The following BST1 variants were observed in gnomAD, a reference collection of about 807,000 sequenced individuals.
BST1 encodes bone marrow stromal cell antigen 1, also known as ADP-ribosyl cyclase/cyclic ADP-ribose hydrolase 2.
Under a neutral mutation model 40.6 loss-of-function variants are expected in BST1, and 49 were observed. The ratio of observed to expected loss-of-function variants is 1.21; its 90% confidence interval spans 0.96 to 1.53. BST1 has a LOEUF of 1.53. BST1 is among the 40% of genes most tolerant of loss of function. BST1 has a pLI of 0.00. For missense variants in BST1, 423 were observed against 395.9 expected (o/e 1.07, Z -0.58); for synonymous variants, 157 against 159.3 (o/e 0.99, Z 0.11).
At chr4:15,750,361 A>G in the BST1 span, among the ~76,000 whole-genome samples, 4 of 152,202 alleles carry the variant, frequency 2.6e-5, no homozygotes, top group Non-Finnish European at 4.4e-5. Context: ...AAGTGTGAAC[A>G]TGTGATGTAT....
chr4:15,709,622 A>C (rs1260696458), intron 3 of BST1, among the ~76,000 whole-genome samples: 1 of 152,106 alleles, frequency 6.6e-6, no homozygotes, highest in Admixed American at 6.5e-5. Flanking sequence ...TTTCTTCTTC[A>C]CCTCGCTGCC....
intron 1 of BST1, among the ~76,000 whole-genome samples, chr4:15,703,714 G>GT (rs1491577681): frequency 1.4e-5 from 2 of 139,898 alleles, no homozygotes; most frequent in African/African-American, 5.4e-5. Flanking sequence ...CTCTAGAGGT[G>GT]GGGGTGTGTG....
chr4:15,765,435 C>G, the BST1 span, among the ~76,000 whole-genome samples: 1 of 151,958 alleles, frequency 6.6e-6, no homozygotes, highest in African/African-American at 2.4e-5. Flanking sequence ...CTCGTTGCTT[C>G]TGTCCCTGCC....
At chr4:15,764,718 G>A in the BST1 span, among the ~76,000 whole-genome samples, 2 of 151,832 alleles carry the variant, frequency 1.3e-5, no homozygotes, top group East Asian at 1.9e-4. Context: ...ACTCTCAACC[G>A]ATGTGGGCCT....
chr4:15,743,418 T>C, the BST1 span: 5 of 274,898 alleles, frequency 1.8e-5, no homozygotes, highest in African/African-American at 1.1e-4. Flanking sequence ...AGAATGTTTA[T>C]TCTTCAATCC....
chr4:15,754,787 T>C, the BST1 span, among the ~76,000 whole-genome samples: 2 of 152,210 alleles, frequency 1.3e-5, no homozygotes, highest in Admixed American at 1.3e-4. Context: ...TAAAACACTA[T>C]GAAAAAATCT....
intron 7 of BST1, among the ~76,000 whole-genome samples, chr4:15,719,259 C>T (rs1222717157): frequency 1.3e-5 from 2 of 152,122 alleles, no homozygotes; most frequent in Non-Finnish European, 2.9e-5. Flanking sequence ...CCAGTTCTCT[C>T]CTCACTGTGC....
chr4:15,715,600 A>C, intron 5 of BST1, 107 bp from the exon 6 acceptor site: 2 of 926,932 alleles, frequency 2.2e-6, no homozygotes, highest in Non-Finnish European at 3.1e-6. Context: ...AAAGAAGAAA[A>C]ACTTCTAAAA....
intron 7 of BST1, among the ~76,000 whole-genome samples, chr4:15,721,075 A>C (rs1720784029): frequency 6.6e-6 from 1 of 152,138 alleles, no homozygotes; most frequent in Non-Finnish European, 1.5e-5. Flanking sequence ...TGACTCAGTA[A>C]AGAAATGAGG....
At chr4:15,722,530 G>T (rs1455634585) in intron 7 of BST1, among the ~76,000 whole-genome samples, 5 of 151,946 alleles carry the variant, frequency 3.3e-5, no homozygotes, top group African/African-American at 9.7e-5. Flanking sequence ...TGGGCCTCCT[G>T]CCTCAGCCTC....
chr4:15,763,173 A>G, the BST1 span, among the ~76,000 whole-genome samples: 1 of 151,946 alleles, frequency 6.6e-6, no homozygotes, highest in Non-Finnish European at 1.5e-5. Context: ...TTTTTTCTAC[A>G]TGACTTTTAA....
At chr4:15,736,835 A>G (rs966021296), downstream of BST1, among the ~76,000 whole-genome samples, 2 of 152,086 alleles carry the variant, frequency 1.3e-5, no homozygotes, top group Non-Finnish European at 2.9e-5. Flanking sequence ...GAGGACAGCA[A>G]CTTTACCTCT....
At chr4:15,730,722 T>A (rs1403209459) in intron 8 of BST1, among the ~76,000 whole-genome samples, 6 of 152,184 alleles carry the variant, frequency 3.9e-5, no homozygotes, top group Non-Finnish European at 7.3e-5. Flanking sequence ...GTGCTCAGGA[T>A]TGCAGAAATA....
intron 1 of BST1, 122 bp downstream of exon 1, chr4:15,703,454 G>A: frequency 7.1e-7 from 1 of 1,417,736 alleles, no homozygotes; most frequent in East Asian, 2.7e-5. Flanking sequence ...CTTGAGGGGA[G>A]AGGTGAGTGT....
chr4:15,759,894 A>G, the BST1 span, among the ~76,000 whole-genome samples: 1 of 152,046 alleles, frequency 6.6e-6, no homozygotes, highest in African/African-American at 2.4e-5. Flanking sequence ...TTACACCAGA[A>G]ACCATAAACC....
chr4:15,743,482 A>G, the BST1 span: 21 of 259,756 alleles, frequency 8.1e-5, no homozygotes, highest in East Asian at 2.3e-3. Flanking sequence ...CAGAAGAAAA[A>G]AAAATTAAAG....
intron 3 of BST1, among the ~76,000 whole-genome samples, chr4:15,707,939 T>C (rs1191130718): frequency 6.6e-6 from 1 of 150,386 alleles, no homozygotes; most frequent in East Asian, 1.9e-4. Context: ...ACACACATAC[T>C]CATTTGATGC....
the BST1 span, among the ~76,000 whole-genome samples, chr4:15,763,664 A>G: frequency 1.3e-5 from 2 of 152,168 alleles, no homozygotes; most frequent in South Asian, 4.1e-4. Flanking sequence ...AACAAAACAA[A>G]ATAACCAAGA....
the BST1 span, among the ~76,000 whole-genome samples, chr4:15,770,189 G>T: frequency 6.6e-6 from 1 of 151,998 alleles, no homozygotes; most frequent in African/African-American, 2.4e-5. Flanking sequence ...GACTAATGAA[G>T]TTGACCAAAG....
Sources: allele counts gnomAD v4.1 joint callset (sites outside exome capture counted in the v4.1 genomes callset), GRCh38; gene constraint gnomAD v4.1.1; transcripts MANE v1.5; gene names NCBI Gene and HGNC (gene_info 2026-07-23, HGNC 2026-07-21).